KDM6A: variants seen among roughly 807,000 people sequenced by gnomAD.
KDM6A encodes lysine demethylase 6A, also known as lysine-specific demethylase 6A.
KDM6A carries 11 observed loss-of-function variants against 117.6 expected under a neutral mutation model. That is an observed-to-expected ratio of 0.09 (90% CI 0.06 to 0.15). The LOEUF (loss-of-function observed/expected upper bound fraction) is 0.15. Among genes scored for constraint, KDM6A ranks in the 10% least tolerant of loss-of-function variants. The pLI is 1.00. For synonymous variants in KDM6A, 384 were observed against 396.1 expected (o/e 0.97, Z 0.36); for missense variants, 799 against 1,077.3 (o/e 0.74, Z 3.62).
intron 2 of KDM6A, among the ~76,000 whole-genome samples, chrX:44,930,149 TA>T (rs760512118): frequency 1.4e-3 from 151 of 111,516 alleles, no homozygotes; most frequent in African/African-American, 4.7e-3. Flanking sequence ...TTATAAAAAT[TA>T]TTTTTTTTCC....
chrX:44,906,568 T>TA (rs1240267725), intron 2 of KDM6A, among the ~76,000 whole-genome samples: 37 of 106,568 alleles, frequency 3.5e-4, no homozygotes, highest in Non-Finnish European at 4.5e-4. Flanking sequence ...GCTTCCAGAA[T>TA]AAAAAAAAAA....
At chrX:45,081,006 C>G (rs1372209374) in intron 21 of KDM6A, among the ~76,000 whole-genome samples, 1 of 112,191 alleles carries the variant, frequency 8.9e-6, no homozygotes, top group Non-Finnish European at 1.9e-5. Flanking sequence ...GATCTCGGCT[C>G]ACTGCAACCT....
At chrX:44,999,748 G>A (rs192082666) in intron 4 of KDM6A, among the ~76,000 whole-genome samples, 1 of 111,279 alleles carries the variant, frequency 9.0e-6, no homozygotes, top group Admixed American at 9.5e-5. Context: ...TCCAAAAGAA[G>A]ATGCTTCTCT....
intron 4 of KDM6A, among the ~76,000 whole-genome samples, chrX:45,005,870 G>A (rs1286471777): frequency 1.9e-5 from 2 of 105,069 alleles, no homozygotes; most frequent in East Asian, 3.1e-4. Flanking sequence ...CTGGAGGTTC[G>A]TGTGAAGTTC....
intron 17 of KDM6A, among the ~76,000 whole-genome samples, chrX:45,067,727 A>G (rs970308039): frequency 3.1e-5 from 3 of 97,995 alleles, no homozygotes; most frequent in South Asian, 4.7e-4. Context: ...ATCTTGGCTC[A>G]CTGCAACCTC....
At chrX:44,887,125 G>A (rs1368165192) in intron 2 of KDM6A, among the ~76,000 whole-genome samples, 1 of 109,268 alleles carries the variant, frequency 9.2e-6, no homozygotes, top group Non-Finnish European at 1.9e-5. Flanking sequence ...TTATCATGTC[G>A]GCCAGGCTGG....
chrX:44,965,786 A>G (rs752273929), intron 3 of KDM6A, among the ~76,000 whole-genome samples: 5 of 112,480 alleles, frequency 4.4e-5, no homozygotes, highest in South Asian at 3.7e-4. Context: ...AAGTGAGCAC[A>G]TGGCTGTTGG....
intron 3 of KDM6A, among the ~76,000 whole-genome samples, chrX:44,964,297 A>G (rs899198045): frequency 9.3e-6 from 1 of 107,266 alleles, no homozygotes; most frequent in Non-Finnish European, 1.9e-5. Context: ...AAAAATACAA[A>G]AATTGGCTGG....
chrX:45,004,078 C>T (rs1222390695), intron 4 of KDM6A, among the ~76,000 whole-genome samples: 2 of 110,874 alleles, frequency 1.8e-5, no homozygotes, highest in African/African-American at 3.3e-5. Flanking sequence ...AAGTCATGAG[C>T]GGAAGGGCTT....
In KDM6A at chrX:45,083,381, A is replaced by T; in HGVS notation, c.3441-79A>T. ...CTTAATTGTTTTTTCTGATTGGAACACAAGGGTTTTGAAGAAATGGTAAAC... is the reference window on the plus strand; with the variant it reads ...CTTAATTGTTTTTTCTGATTGGAACTCAAGGGTTTTGAAGAAATGGTAAAC... On this transcript the variant is annotated intron_variant, in intron 23 of 29. Transcript: ENST00000611820. The T allele has an allele frequency of 5.2e-6, 5 of 955,939 alleles. No individual in the cohort carries two copies. In the South Asian group the frequency reaches 8.0e-5, roughly 15 times the overall value. 78.8% of individuals were successfully genotyped at this position (955,939 alleles called of 1,213,427 possible).
At chrX:44,875,619 A>G (rs1319759490) in intron 2 of KDM6A, among the ~76,000 whole-genome samples, 2 of 108,885 alleles carry the variant, frequency 1.8e-5, no homozygotes, top group African/African-American at 6.7e-5. Flanking sequence ...AAAATATTTG[A>G]CTGCTGTCAA....
intron 2 of KDM6A, among the ~76,000 whole-genome samples, chrX:44,892,507 G>C (rs756634901): frequency 9.1e-6 from 1 of 110,141 alleles, no homozygotes; most frequent in Non-Finnish European, 1.9e-5. Flanking sequence ...GCAAAACATG[G>C]TGAAACCCCG....
chrX:45,045,514 A>C (rs960852135), intron 8 of KDM6A, among the ~76,000 whole-genome samples: 1 of 101,364 alleles, frequency 9.9e-6, no homozygotes, highest in Admixed American at 1.1e-4. Flanking sequence ...TGAATCCAGG[A>C]GGTGGAGGTT....
At chrX:45,035,473 T>A (rs1490205191) in intron 7 of KDM6A, among the ~76,000 whole-genome samples, 1 of 111,398 alleles carries the variant, frequency 9.0e-6, no homozygotes, top group East Asian at 2.8e-4. Flanking sequence ...AAGGAATACA[T>A]TTACGAAGCA....
chrX:44,942,782 G>C (rs969615809), intron 2 of KDM6A, among the ~76,000 whole-genome samples: 1 of 109,529 alleles, frequency 9.1e-6, no homozygotes, highest in African/African-American at 3.3e-5. Flanking sequence ...TTTCTTCCGG[G>C]GGTTGGGGCA....
chrX:45,086,856 G>A (rs1284557748), intron 25 of KDM6A, among the ~76,000 whole-genome samples: 1 of 111,732 alleles, frequency 8.9e-6, no homozygotes, highest in East Asian at 2.8e-4. Context: ...ATTAGTATAG[G>A]ATGAAAATAT....
intron 19 of KDM6A, 34 bp from the exon 20 acceptor site, chrX:45,078,366 T>G (rs758023057): frequency 1.7e-6 from 2 of 1,149,238 alleles, no homozygotes; most frequent in Non-Finnish European, 2.4e-6. Flanking sequence ...AGCTCTGTTT[T>G]CCTGAGATCT....
At position 45,076,757 on chromosome X, in the gene KDM6A, A is replaced by C. The variant is rs368265159; in HGVS notation, c.2919A>C (p.Pro973=). ...SSILLDKCPP[P]RPPSSPYPPL... ...TTTTGTTGGATAAATGTCCACCTCC[A>C]AGACCACCATCTTCACCATACCCTC... Residue 973 remains proline (P), a synonymous_variant, in exon 19 of 30, where the codon CCA becomes CCC. Coordinates refer to ENST00000611820, the MANE Select transcript of KDM6A (RefSeq NM_001291415.2). 2.5e-6 allele frequency: 3 copies of C among 1,187,174 alleles called. No individual in the cohort carries two copies. The highest frequency in any genetic ancestry group is 3.4e-6 in the Non-Finnish European group (3 of 874,463).
rs749368573 is a variant in KDM6A, at chrX:44,873,566, A to T, written c.15A>T (p.Gly5=). The part of the protein sequence containing the change: MKSC[G]VSLATAAAAA... The stretch of plus-strand genomic sequence containing the variant: ...GCTGCGTTTCCATGAAATCCTGCGG[A>T]GTGTCGCTCGCTACCGCCGCCGCTG... The change falls in exon 1 of 30, where the codon GGA becomes GGT. Residue 5 remains glycine, a synonymous_variant. Transcript: ENST00000611820. The T allele has an allele frequency of 8.3e-7, 1 of 1,203,867 alleles. No homozygotes were observed. The highest frequency in any genetic ancestry group is 1.1e-6 in the Non-Finnish European group (1 of 892,974).
Sources: gnomAD v4.1 joint callset for allele counts (sites outside exome capture counted in the v4.1 genomes callset) on GRCh38, gnomAD v4.1.1 for gene constraint, MANE v1.5 for transcripts, NCBI Gene and HGNC (gene_info 2026-07-23, HGNC 2026-07-21) for gene names.